Variants in SMARCA4 observed in about 807,000 individuals in gnomAD.
The protein encoded by SMARCA4 is SWI/SNF-related matrix-associated actin-dependent regulator of chromatin subfamily A member 4.
Under a neutral mutation model 193.9 loss-of-function variants are expected in SMARCA4, and 31 were observed. The observed-to-expected ratio is 0.16, with a 90% CI of 0.12 to 0.22. The LOEUF (loss-of-function observed/expected upper bound fraction) is 0.22. Among genes scored for constraint, SMARCA4 ranks in the 10% least tolerant of loss-of-function variants. The pLI is 1.00. For synonymous variants in SMARCA4, 942 were observed against 933.1 expected, an observed-to-expected ratio of 1.01 and a Z score of -0.17; for missense variants, 1,148 against 2,296.0, an observed-to-expected ratio of 0.50 and a Z score of 10.22.
At position 10,995,071 on chromosome 19, in the gene SMARCA4, TC is replaced by T; in HGVS notation, c.1593+74del. The T allele has an allele frequency of 2.1e-6, 3 of 1,404,756 alleles. No individual in the cohort carries two copies. The South Asian group carries it at 3.7e-5, about 17-fold the overall frequency. 87.0% of individuals were successfully genotyped at this position (1,404,756 alleles called of 1,614,324 possible). A position where few individuals can be genotyped will look rare whatever the true frequency, so the allele number is the denominator to read the frequency against. ...TGGTACTGCGGGCTCCAGGGGTCAC[TC>T]CCCAGGGTTACGCCAAGGCATTTCA... On this transcript the variant is annotated intron_variant, in intron 9 of 34. Transcript: ENST00000344626.
chr19:11,005,739 A>C (rs377274135), intron 13 of SMARCA4, among the ~76,000 whole-genome samples: 3 of 152,332 alleles, frequency 2.0e-5, no homozygotes, highest in East Asian at 1.9e-4. Flanking sequence ...TCATGTGTCC[A>C]GAGCTGAGGC....
intron 25 of SMARCA4, chr19:11,032,985 C>G (rs568686295): frequency 2.1e-6 from 1 of 477,686 alleles, no homozygotes; most frequent in African/African-American, 2.0e-5. Flanking sequence ...GCCGCTGCCA[C>G]GGGAGCTGCT....
intron 30 of SMARCA4, among the ~76,000 whole-genome samples, chr19:11,053,911 TAAAAA>T (rs1156657121): frequency 6.6e-6 from 1 of 151,966 alleles, no homozygotes; most frequent in Non-Finnish European, 1.5e-5. Context: ...ATCGTGTCTG[TAAAAA>T]GAGAGAAAAG....
intron 15 of SMARCA4, 21 bp from the exon 16 acceptor site, chr19:11,012,928 T>C (rs931896064): frequency 6.2e-7 from 1 of 1,613,870 alleles, no homozygotes; most frequent in African/African-American, 1.3e-5. Flanking sequence ...AGTCCTGGCG[T>C]GGCCGCATCT....
chr19:10,996,483 T>C lies in SMARCA4; in HGVS notation c.1762-11T>C, dbSNP rs1350024072. 7 of 1,614,080 alleles carry C rather than the reference T, an allele frequency of 4.3e-6. No homozygotes were observed. The East Asian group carries it at 1.6e-4, about 36-fold the overall frequency. On this transcript the variant is annotated splice_polypyrimidine_tract_variant and intron_variant, in intron 10 of 34. Transcript: ENST00000344626. The stretch of plus-strand genomic sequence containing the variant: ...GGGTCAGGGCCTGACCGTGTCTCTC[T>C]CTATTTCCAGAAGGCAGAAAATGCA...
intron 12 of SMARCA4, 51 bp from the exon 13 acceptor site, chr19:11,003,289 A>G (rs1192276076): frequency 6.2e-7 from 1 of 1,607,258 alleles, no homozygotes; most frequent in East Asian, 2.2e-5. Flanking sequence ...GGGAAAGTGA[A>G]TTCTGCTGGC....
At chr19:10,970,630 C>T (rs2084595195) in intron 1 of SMARCA4, among the ~76,000 whole-genome samples, 1 of 152,178 alleles carries the variant, frequency 6.6e-6, no homozygotes, top group African/African-American at 2.4e-5. Context: ...TGGTTTCAAA[C>T]TCTTGGCCTC....
At chr19:11,060,210 G>T in intron 34 of SMARCA4, 23 bp downstream of exon 34, 1 of 1,550,172 alleles carries the variant, frequency 6.5e-7, no homozygotes, top group Non-Finnish European at 8.7e-7. Context: ...CCCCGAGCAG[G>T]CAGAGCTGGC....
intron 30 of SMARCA4, among the ~76,000 whole-genome samples, chr19:11,051,586 G>A (rs1408164152): frequency 6.6e-6 from 1 of 151,746 alleles, no homozygotes; most frequent in Non-Finnish European, 1.5e-5. Flanking sequence ...TGCCTCCTGG[G>A]TTCAAGCAAT....
In SMARCA4 at chr19:11,041,956, T is replaced by C. The variant is rs2075642793; in HGVS notation, c.4424+396T>C. Among the ~76,000 whole-genome samples, 1 of 152,128 alleles carries C rather than the reference T, an allele frequency of 6.6e-6. No individual in the cohort carries two copies. Among genetic ancestry groups the C allele is most frequent in the East Asian group, 1.9e-4 (1 of 5,190 alleles). On this transcript the variant is annotated intron_variant, in intron 30 of 34. Transcript: ENST00000344626. This position sits in a 1 kb window ranked among gnomAD's most constrained non-coding sequence, Gnocchi z 5.6. ...GGATGAGGTGGGATGAGGGGTTATA[T>C]GGCAGTAATGGGTGCTGCCCGTGTG...
At chr19:11,003,531 G>A (rs560053772) in intron 13 of SMARCA4, 134 bp downstream of exon 13, 2 of 815,358 alleles carry the variant, frequency 2.5e-6, no homozygotes, top group Non-Finnish European at 4.3e-6. Context: ...AGGCCTGCCC[G>A]AAGTCGGTGC....
rs559757925 is a variant in SMARCA4, at chr19:11,016,668, T to C, written c.2439-2289T>C. On this transcript the variant is annotated intron_variant, in intron 16 of 34. Transcript: ENST00000344626. ...CTATGTATTCAGTCATTTGTTAATA[T>C]GAGTATGGACCCACGGATATTTATT... Among the ~76,000 whole-genome samples, 24 of 152,322 alleles carry C rather than the reference T, an allele frequency of 1.6e-4. No individual in the cohort carries two copies. The East Asian group carries it at 4.1e-3, about 26-fold the overall frequency.
chr19:11,049,285 G>A (rs985838261), intron 30 of SMARCA4, among the ~76,000 whole-genome samples: 6 of 152,166 alleles, frequency 3.9e-5, no homozygotes, highest in South Asian at 2.1e-4. Flanking sequence ...AGCCAAGGGC[G>A]TTTCTCCTTG....
intron 6 of SMARCA4, among the ~76,000 whole-genome samples, chr19:10,988,178 T>C (rs1284865620): frequency 6.6e-6 from 1 of 152,004 alleles, no homozygotes; most frequent in Non-Finnish European, 1.5e-5. Flanking sequence ...TGGAGTGCAA[T>C]GGCACAATCT....
At chr19:11,060,924 T>C (rs68010235) in intron 34 of SMARCA4, among the ~76,000 whole-genome samples, 38,621 of 152,082 alleles carry the variant, frequency 0.25, 5,174 homozygotes, top group Non-Finnish European at 0.3. Context: ...AGTCCTCATG[T>C]GGAGGGGAGG....
chr19:11,049,222 G>T (rs2076117050), intron 30 of SMARCA4, among the ~76,000 whole-genome samples: 1 of 152,154 alleles, frequency 6.6e-6, no homozygotes, highest in African/African-American at 2.4e-5. Context: ...CTTGAGTGGG[G>T]CTGCGCCAGC....
rs1033495848 is a variant in SMARCA4, at chr19:11,034,653, C to A, written c.3952-261C>A. Among the ~76,000 whole-genome samples the A allele has an allele frequency of 6.6e-5, 10 of 152,216 alleles. No homozygotes were observed. The highest frequency in any genetic ancestry group is 1.9e-4 in the African/African-American group (8 of 41,482). Reference sequence around the variant, plus strand: ...CGCTGGGCCACGCAGCTGCTGCCCCCCTGCTGGGGTCTGCAGCCCTCTTGT... The same window carrying A: ...CGCTGGGCCACGCAGCTGCTGCCCCACTGCTGGGGTCTGCAGCCCTCTTGT... On this transcript the variant is annotated intron_variant, in intron 28 of 34. Coordinates refer to ENST00000344626, the MANE Select transcript of SMARCA4 (RefSeq NM_003072.5). This position sits in a 1 kb window ranked among gnomAD's most constrained non-coding sequence, Gnocchi z 7.0.
Position 11,002,777 on chromosome 19 carries a change from G to A in SMARCA4, c.1813-252G>A, listed in dbSNP as rs1722033059. 2.7e-5 allele frequency among the ~76,000 whole-genome samples: 4 copies of A among 148,344 alleles called. No individual in the cohort carries two copies. The South Asian group carries it at 8.6e-4, about 32-fold the overall frequency. On this transcript the variant is annotated intron_variant, in intron 11 of 34. Coordinates refer to ENST00000344626, the MANE Select transcript of SMARCA4 (RefSeq NM_003072.5). ...ATCACGCCACTGCACTCTAGCCTGG[G>A]TGACAGAGCGAGACTCCGTCTCAAA... is the stretch of plus-strand genomic sequence containing the variant.
chr19:11,031,031 A>T lies in SMARCA4; in HGVS notation c.3546+138A>T. On this transcript the variant is annotated intron_variant, in intron 25 of 34. Transcript: ENST00000344626. This position sits in a 1 kb window ranked among gnomAD's most constrained non-coding sequence, Gnocchi z 4.3. The stretch of plus-strand genomic sequence containing the variant: ...CCAGGAGCCGGGAGGAGCTGCACCC[A>T]TATCTCCATAGGTCATCAGGGAGAA... 1.3e-6 allele frequency: 1 copy of T among 784,474 alleles called. No homozygotes were observed. The highest frequency in any genetic ancestry group is 1.5e-5 in the South Asian group (1 of 68,428). 48.6% of individuals were successfully genotyped at this position (784,474 alleles called of 1,614,324 possible).
Sources: gnomAD v4.1 joint callset for allele counts (sites outside exome capture counted in the v4.1 genomes callset) on GRCh38, gnomAD v4.1.1 for gene constraint, Gnocchi (gnomAD v3.1) non-coding constraint, MANE v1.5 for transcripts, NCBI Gene and HGNC (gene_info 2026-07-23, HGNC 2026-07-21) for gene names.